The following GPHN variants were observed in gnomAD, a reference collection of about 807,000 sequenced individuals.
GPHN encodes the protein gephyrin.
A neutral mutation model predicts 95.5 loss-of-function variants in GPHN; 17 were observed. The observed-to-expected ratio is 0.18, with a 90% CI of 0.12 to 0.27. The LOEUF (loss-of-function observed/expected upper bound fraction) is 0.27, where lower values mean the gene tolerates loss of function less well. Among genes scored for constraint, GPHN ranks in the 10% least tolerant of loss-of-function variants. GPHN has a pLI of 1.00. For missense variants in GPHN, 660 were observed against 978.1 expected (o/e 0.67, Z 4.34); for synonymous variants, 320 against 322.5 (o/e 0.99, Z 0.08).
At chr14:67,359,886 G>C in the GPHN span, 3 of 661,102 alleles carry the variant, frequency 4.5e-6, no homozygotes, top group East Asian at 5.5e-5. Context: ...GGCGACGAAG[G>C]GGGAGGACAG....
chr14:66,524,778 G>A (rs546046725), intron 1 of GPHN, among the ~76,000 whole-genome samples: 5 of 152,186 alleles, frequency 3.3e-5, no homozygotes, highest in African/African-American at 1.2e-4. Flanking sequence ...TTAGTTTGCT[G>A]AGAATGATGG....
chr14:67,184,036 G>A (rs138201749), downstream of GPHN, among the ~76,000 whole-genome samples: 729 of 151,962 alleles, frequency 4.8e-3, 11 homozygotes, highest in African/African-American at 0.017. Flanking sequence ...GCAGAGACAG[G>A]CTGGTCTTGA....
rs80297652 is a variant in GPHN at position 66,683,352 on chromosome 14, A to G, written c.143+2167A>G. On this transcript the variant is annotated intron_variant, in intron 2 of 22. Transcript: ENST00000478722. ...GAAATATATATATATATATATATAT[A>G]TATATATATATATATATATATATAT... 2.3e-3 allele frequency among the ~76,000 whole-genome samples: 33 copies of G among 14,158 alleles called. 2 individuals carry two copies. Among genetic ancestry groups the G allele is most frequent in the African/African-American group, 7.7e-3 (24 of 3,114 alleles). 9.3% of individuals were successfully genotyped at this position (14,158 alleles called of 152,430 possible).
chr14:67,626,641 T>C, the GPHN span, among the ~76,000 whole-genome samples: 141 of 152,300 alleles, frequency 9.3e-4, no homozygotes, highest in African/African-American at 3.2e-3. Context: ...CAGCTAACTT[T>C]TGTATTTTTA....
At chr14:67,168,901 G>T (rs775848644) in intron 20 of GPHN, 32 bp from the exon 21 acceptor site, 4 of 1,298,610 alleles carry the variant, frequency 3.1e-6, no homozygotes, top group Non-Finnish European at 4.5e-6. Flanking sequence ...GTTACACAGT[G>T]TATTATAAAT....
At chr14:66,826,180 G>A (rs915265902) in intron 4 of GPHN, among the ~76,000 whole-genome samples, 3 of 152,068 alleles carry the variant, frequency 2.0e-5, no homozygotes, top group Non-Finnish European at 4.4e-5. Flanking sequence ...AATTGATCGT[G>A]GGGAAATAAT....
the GPHN span, chr14:67,727,834 A>C: frequency 1.7e-4 from 26 of 154,822 alleles, no homozygotes; most frequent in Non-Finnish European, 3.6e-4. Flanking sequence ...GGGCATCAGA[A>C]CCGGAATGTG....
At chr14:67,673,237 CA>C in the GPHN span, among the ~76,000 whole-genome samples, 5 of 151,996 alleles carry the variant, frequency 3.3e-5, no homozygotes, top group African/African-American at 1.2e-4. Context: ...CCTATTACTC[CA>C]GAGGCTGAGG....
chr14:67,284,423 A>G, the GPHN span, among the ~76,000 whole-genome samples: 9 of 143,526 alleles, frequency 6.3e-5, no homozygotes, highest in African/African-American at 1.9e-4. Context: ...CATAGACCCT[A>G]TCTCTTAAAA....
chr14:66,548,431 T>A (rs2059687779), intron 1 of GPHN, among the ~76,000 whole-genome samples: 1 of 152,174 alleles, frequency 6.6e-6, no homozygotes, highest in East Asian at 1.9e-4. Flanking sequence ...TCCACCTGCC[T>A]CAGCCTCCCA....
the GPHN span, among the ~76,000 whole-genome samples, chr14:67,268,386 T>A: frequency 6.6e-6 from 1 of 152,172 alleles, no homozygotes; most frequent in Non-Finnish European, 1.5e-5. Context: ...GGATCTTGCA[T>A]GAGAAAGAAT....
At chr14:67,331,759 C>T in the GPHN span, among the ~76,000 whole-genome samples, 2 of 152,046 alleles carry the variant, frequency 1.3e-5, no homozygotes, top group Non-Finnish European at 2.9e-5. Context: ...AACTCCAATA[C>T]CACAAAGTTT....
At chr14:67,646,650 C>T in the GPHN span, 3 of 1,609,622 alleles carry the variant, frequency 1.9e-6, no homozygotes. Flanking sequence ...ATAGGTACCA[C>T]AACTCCCAGG....
At chr14:67,195,150 A>G in the GPHN span, among the ~76,000 whole-genome samples, 1 of 152,258 alleles carries the variant, frequency 6.6e-6, no homozygotes, top group Admixed American at 6.5e-5. Context: ...TGTAAAAATA[A>G]TTCCAGAACA....
the GPHN span, among the ~76,000 whole-genome samples, chr14:67,453,614 C>T: frequency 0.019 from 2,923 of 152,298 alleles, 31 homozygotes; most frequent in Middle Eastern, 0.048. Context: ...CATGCCAGGT[C>T]AGGATGGTGT....
At chr14:67,061,806 C>T (rs1567276839) in intron 11 of GPHN, among the ~76,000 whole-genome samples, 1 of 152,164 alleles carries the variant, frequency 6.6e-6, no homozygotes, top group Non-Finnish European at 1.5e-5. Context: ...GCCACCATGC[C>T]TGGCCCCTTT....
chr14:67,537,202 A>T, the GPHN span, among the ~76,000 whole-genome samples: 2 of 141,364 alleles, frequency 1.4e-5, no homozygotes, highest in Non-Finnish European at 3.0e-5. Flanking sequence ...AAAATTAGCC[A>T]GTGTGGTGGC....
At chr14:66,595,863 G>C (rs186614102) in intron 1 of GPHN, among the ~76,000 whole-genome samples, 1 of 152,276 alleles carries the variant, frequency 6.6e-6, no homozygotes, top group South Asian at 2.1e-4. Flanking sequence ...TCTTTCAGTC[G>C]TGCCGTTCCG....
intron 1 of GPHN, among the ~76,000 whole-genome samples, chr14:66,516,173 AT>A (rs1415948060): frequency 0.02 from 2,789 of 138,852 alleles, 20 homozygotes; most frequent in Middle Eastern, 0.035. Context: ...TGCCTGGCTA[AT>A]TTTTTTTTTT....
Sources: allele counts gnomAD v4.1 joint callset (sites outside exome capture counted in the v4.1 genomes callset), GRCh38; gene constraint gnomAD v4.1.1; transcripts MANE v1.5; gene names NCBI Gene and HGNC (gene_info 2026-07-23, HGNC 2026-07-21).